ACSM2A: variants seen among roughly 807,000 people sequenced by gnomAD.
ACSM2A encodes the protein acyl-coenzyme A synthetase ACSM2A, mitochondrial.
In ACSM2A, 72 loss-of-function variants were observed where a neutral mutation model predicts 76.6. The observed-to-expected ratio is 0.94, with a 90% CI of 0.78 to 1.14. The LOEUF (loss-of-function observed/expected upper bound fraction) is 1.14, where lower values mean the gene tolerates loss of function less well. ACSM2A is among the 50% of genes most tolerant of loss of function. The probability of loss-of-function intolerance (pLI) is 0.00; values close to 1 mark genes in which losing one functional copy is unlikely to be tolerated. For synonymous variants in ACSM2A, 249 were observed against 255.9 expected (o/e 0.97, Z 0.26); for missense variants, 684 against 708.5 (o/e 0.97, Z 0.39).
chr16:20,458,907 T>TGC (rs1567356795), intron 1 of ACSM2A, among the ~76,000 whole-genome samples: 624 of 36,478 alleles, frequency 0.017, 3 homozygotes, highest in African/African-American at 0.092. Flanking sequence ...TATATATGCA[T>TGC]ATATATATAT....
At position 20,462,975 on chromosome 16, in the gene ACSM2A, G is replaced by GC. The variant is rs113075029; in HGVS notation, c.178-2541dup. On this transcript the variant is annotated intron_variant, in intron 2 of 13. Transcript: ENST00000573854. ...AAACCATCATTCTCAGCAAACTATC[G>GC]CAAGGACAAAAAAACCAAACACAGC... 1.8e-3 allele frequency among the ~76,000 whole-genome samples: 264 copies of GC among 150,032 alleles called. 4 individuals carry two copies. The highest frequency in any genetic ancestry group is 6.1e-3 in the African/African-American group (250 of 40,844).
chr16:20,486,430 T>G, intron 13 of ACSM2A, 144 bp from the exon 14 acceptor site: 3 of 826,060 alleles, frequency 3.6e-6, no homozygotes, highest in Non-Finnish European at 5.9e-6. Context: ...CCCAGAGCAC[T>G]TTCTGAAGCT....
chr16:20,474,554 A>G (rs770057644), intron 6 of ACSM2A, among the ~76,000 whole-genome samples: 6 of 152,206 alleles, frequency 3.9e-5, no homozygotes, highest in Non-Finnish European at 7.3e-5. Context: ...TTCATAAATT[A>G]CTCAGTCTCC....
intron 1 of ACSM2A, among the ~76,000 whole-genome samples, chr16:20,457,397 T>C (rs2012248709): frequency 6.6e-6 from 1 of 152,016 alleles, no homozygotes; most frequent in African/African-American, 2.4e-5. Flanking sequence ...TTGATGAACA[T>C]AGATGCAAAA....
rs1191215504 is a variant in ACSM2A at position 20,477,418 on chromosome 16, T to TG, written c.1151dup (p.Thr385AsnfsTer7). ...ACAATGAAAATCAAACCAGGATACATGGGAACGGCTGCTTCCTGTTATGAT... is the reference window on the plus strand; with the variant it reads ...ACAATGAAAATCAAACCAGGATACATGGGGAACGGCTGCTTCCTGTTATGAT... On this transcript the variant is annotated frameshift_variant, in exon 9 of 14. Coordinates refer to ENST00000573854, the MANE Select transcript of ACSM2A (RefSeq NM_001308172.2). LOFTEE classifies it high-confidence loss of function. 6.2e-7 allele frequency: 1 copy of TG among 1,610,026 alleles called. No homozygotes were observed. Among genetic ancestry groups the TG allele is most frequent in the Non-Finnish European group, 8.5e-7 (1 of 1,177,724 alleles).
chr16:20,458,983 G>A (rs1190415245), intron 1 of ACSM2A, among the ~76,000 whole-genome samples: 1 of 134,300 alleles, frequency 7.4e-6, no homozygotes, highest in Non-Finnish European at 1.6e-5. Flanking sequence ...GAATGACTTA[G>A]TGGCATTCGC....
At chr16:20,478,954 T>C (rs564345478) in intron 10 of ACSM2A, among the ~76,000 whole-genome samples, 1 of 152,308 alleles carries the variant, frequency 6.6e-6, no homozygotes, top group East Asian at 1.9e-4. Context: ...AAAATATTAT[T>C]GACCCTGAAC....
chr16:20,481,147 G>A, intron 12 of ACSM2A: 3 of 579,220 alleles, frequency 5.2e-6, no homozygotes, highest in Non-Finnish European at 9.1e-6. Flanking sequence ...GCTAATATTT[G>A]TAAAGTACTT....
intron 2 of ACSM2A, among the ~76,000 whole-genome samples, chr16:20,463,231 T>C (rs146293737): frequency 0.011 from 1,583 of 149,560 alleles, 34 homozygotes; most frequent in African/African-American, 0.036. Flanking sequence ...TAAAGTATAA[T>C]AATAAAAAAA....
rs1596659815 is a variant in ACSM2A at position 20,471,221 on chromosome 16, G to A, written c.740+5G>A. 5.6e-6 allele frequency: 9 copies of A among 1,607,122 alleles called. No individual in the cohort carries two copies. Among genetic ancestry groups the A allele is most frequent in the Non-Finnish European group, 6.8e-6 (8 of 1,176,310 alleles). On this transcript the variant is annotated splice_donor_5th_base_variant and intron_variant, in intron 5 of 13. Coordinates refer to ENST00000573854, the MANE Select transcript of ACSM2A (RefSeq NM_001308172.2). ...CAAGGCCAAGATGGATGCTGGGTAA[G>A]CTGAGCTCTTTCTCTCTACAGAGAA... is the stretch of plus-strand genomic sequence containing the variant.
rs143632756 is a variant in ACSM2A, at chr16:20,467,561, G to T, written c.388+1834G>T. On this transcript the variant is annotated intron_variant, in intron 3 of 13. Coordinates refer to ENST00000573854, the MANE Select transcript of ACSM2A (RefSeq NM_001308172.2). ...GATAAGTGGATTTAACAGGCAATTG[G>T]GGGGTGAACTAATAACAGGGTTATT... Among the ~76,000 whole-genome samples, 524 of 152,238 alleles carry T rather than the reference G, an allele frequency of 3.4e-3. 4 individuals carry two copies. Among genetic ancestry groups the T allele is most frequent in the African/African-American group, 0.012 (491 of 41,542 alleles).
At chr16:20,471,999 G>C (rs577866920) in intron 6 of ACSM2A, among the ~76,000 whole-genome samples, 1 of 152,194 alleles carries the variant, frequency 6.6e-6, no homozygotes, top group Non-Finnish European at 1.5e-5. Context: ...GGTGAACCAC[G>C]TGTAAAAGGG....
Position 20,476,436 on chromosome 16 carries a change from G to A in ACSM2A, c.1098+663G>A, listed in dbSNP as rs981734971. The A allele has an allele frequency of 5.1e-5, 50 of 985,274 alleles. No homozygotes were observed. The African/African-American group carries it at 8.0e-4, about 16-fold the overall frequency. 61.0% of individuals were successfully genotyped at this position (985,274 alleles called of 1,614,324 possible). A position where few individuals can be genotyped will look rare whatever the true frequency, so the allele number is the denominator to read the frequency against. ...ACTCTCTTACCCTGCATCCTTCTTT[G>A]GCTAATGAGTACCCTTGGAAGAACT... On this transcript the variant is annotated intron_variant, in intron 8 of 13. Transcript: ENST00000573854.
rs2014395983 is a variant in ACSM2A, at chr16:20,486,651, G to T, written c.1707G>T (p.Lys569Asn). The T allele has an allele frequency of 6.2e-7, 1 of 1,614,188 alleles. No homozygotes were observed. The highest frequency in any genetic ancestry group is 8.5e-7 in the Non-Finnish European group (1 of 1,180,020). The change falls in exon 14 of 14, where the codon AAG (lysine) becomes AAT (asparagine). Residue 569 changes from lysine (K) to asparagine (N), a missense_variant. Physicochemically the swap from Lys to Asn is moderately conservative, Grantham distance 94. Around this residue, in one of 3 missense-constraint regions of ACSM2A, gnomAD observed 159 missense variants for 132.5 expected, o/e 1.20. Coordinates refer to ENST00000573854, the MANE Select transcript of ACSM2A (RefSeq NM_001308172.2). ...QRAKLRDKEW[K>N]MSGKARAQ ...CCAAGCTTCGAGACAAGGAGTGGAA[G>T]ATGTCCGGAAAAGCCCGTGCGCAGT...
In ACSM2A at chr16:20,459,969, C is replaced by T; in HGVS notation, c.-8-138C>T. 7 of 1,389,946 alleles carry T rather than the reference C, an allele frequency of 5.0e-6. No individual in the cohort carries two copies. The South Asian group carries it at 9.2e-5, about 18-fold the overall frequency. The allele number at this position is 1,389,946 out of a possible 1,614,324, so 86.1% of individuals were successfully genotyped here. The stretch of plus-strand genomic sequence containing the variant: ...AGGAGACTGAAACAGATGCTGAGTG[C>T]CAATTTACTCATAACTACAGCAAAT... On this transcript the variant is annotated intron_variant, in intron 1 of 13. Transcript: ENST00000573854.
chr16:20,471,328 A>G (rs1376275838), intron 5 of ACSM2A, 112 bp downstream of exon 5: 96 of 1,518,622 alleles, frequency 6.3e-5, no homozygotes, highest in Non-Finnish European at 8.0e-5. Context: ...CCTTCTGAAC[A>G]TTCATCTCCT....
intron 12 of ACSM2A, 145 bp from the exon 13 acceptor site, chr16:20,482,913 T>G (rs1394597630): frequency 2.2e-6 from 3 of 1,341,618 alleles, no homozygotes; most frequent in African/African-American, 2.9e-5. Context: ...TGTCCCCAGT[T>G]TTCTCCTTTT....
chr16:20,478,111 C>CT (rs1359006957), intron 9 of ACSM2A, among the ~76,000 whole-genome samples: 1 of 152,208 alleles, frequency 6.6e-6, no homozygotes, highest in East Asian at 1.9e-4. Context: ...TGCTAAGCCC[C>CT]TTTCTTAGTA....
chr16:20,451,568 G>C lies in ACSM2A; in HGVS notation c.-122G>C, dbSNP rs1479927107. On this transcript the variant is annotated 5_prime_UTR_variant, in exon 1 of 14. Coordinates refer to ENST00000573854, the MANE Select transcript of ACSM2A (RefSeq NM_001308172.2). ...CTGACAGTGCAGGGATTCTGAAGCT[G>C]TCTGCTTGAGTTACTGTGCTCTCTT... 4 of 151,928 alleles carry C rather than the reference G, an allele frequency of 2.6e-5. No homozygotes were observed. The highest frequency in any genetic ancestry group is 2.1e-4 in the South Asian group (1 of 4,822). The allele number at this position is 151,928 out of a possible 1,614,324, so 9.4% of individuals were successfully genotyped here. A position where few individuals can be genotyped will look rare whatever the true frequency, so the allele number is the denominator to read the frequency against.
Sources: allele counts gnomAD v4.1 joint callset (sites outside exome capture counted in the v4.1 genomes callset), GRCh38; gene constraint gnomAD v4.1.1; regional missense constraint gnomAD v4.1.1; transcripts MANE v1.5; gene names NCBI Gene and HGNC (gene_info 2026-07-23, HGNC 2026-07-21).